Variants in TMEM108 observed in about 807,000 individuals in gnomAD.
TMEM108 encodes cancer/testis antigen 124.
TMEM108 carries 12 observed loss-of-function variants against 35.1 expected under a neutral mutation model. The ratio of observed to expected loss-of-function variants is 0.34; its 90% CI spans 0.22 to 0.55. TMEM108 has a LOEUF of 0.55. TMEM108 is among the 20% of genes least tolerant of loss of function. TMEM108 has a pLI of 0.89. For missense variants in TMEM108, 680 were observed against 753.3 expected (o/e 0.90, Z 1.14); for synonymous variants, 287 against 308.6 (o/e 0.93, Z 0.73).
intron 4 of TMEM108, chr3:133,387,524 G>C: frequency 4.1e-6 from 4 of 985,376 alleles, no homozygotes; most frequent in Non-Finnish European, 4.8e-6. Flanking sequence ...TAACAACATG[G>C]GCTGTTAGAG....
chr3:133,275,308 TTAAAAA>T lies in TMEM108; in HGVS notation c.40+45964_40+45969del, dbSNP rs1220373196. 2.0e-5 allele frequency among the ~76,000 whole-genome samples: 3 copies of T among 152,320 alleles called. No individual in the cohort carries two copies. The East Asian group carries it at 5.8e-4, about 29-fold the overall frequency. ...CTTAATTTTCTGAATTTTAGCAACA[TTAAAAA>T]TAAAAAGCAAGTAAAATTGATTTTA... On this transcript the variant is annotated intron_variant, in intron 3 of 5. Coordinates refer to ENST00000321871, the MANE Select transcript of TMEM108 (RefSeq NM_023943.4).
intron 3 of TMEM108, among the ~76,000 whole-genome samples, chr3:133,244,772 A>C (rs1397003527): frequency 6.6e-6 from 1 of 152,216 alleles, no homozygotes; most frequent in African/African-American, 2.4e-5. Context: ...GAAAATATTG[A>C]CTTTCATAGG....
At chr3:133,395,463 TG>T (rs1272250251) in intron 5 of TMEM108, among the ~76,000 whole-genome samples, 1 of 152,186 alleles carries the variant, frequency 6.6e-6, no homozygotes, top group Non-Finnish European at 1.5e-5. Context: ...GGAAGTAGTC[TG>T]GGTGCAAGTG....
chr3:133,377,040 G>A (rs2072863891), intron 3 of TMEM108, among the ~76,000 whole-genome samples: 3 of 152,082 alleles, frequency 2.0e-5, no homozygotes, highest in African/African-American at 7.2e-5. Flanking sequence ...TCATCCCTCT[G>A]TGCACACGTG....
chr3:133,216,187 C>T (rs1945905789), intron 2 of TMEM108, among the ~76,000 whole-genome samples: 1 of 152,006 alleles, frequency 6.6e-6, no homozygotes, highest in African/African-American at 2.4e-5. Context: ...TGGCTATTTT[C>T]TGACACCATA....
At chr3:133,241,107 AG>A (rs1480356667) in intron 3 of TMEM108, among the ~76,000 whole-genome samples, 5 of 151,350 alleles carry the variant, frequency 3.3e-5, no homozygotes, top group Non-Finnish European at 7.4e-5. Context: ...TTTCTGAAGA[AG>A]GAAAATTCAA....
At chr3:133,060,351 C>T (rs188351936) in intron 2 of TMEM108, among the ~76,000 whole-genome samples, 7 of 152,172 alleles carry the variant, frequency 4.6e-5, no homozygotes, top group African/African-American at 7.2e-5. Context: ...GTAGCTCACA[C>T]GTAGTAGAGC....
At chr3:133,117,885 C>T (rs1944306777) in intron 2 of TMEM108, among the ~76,000 whole-genome samples, 1 of 152,222 alleles carries the variant, frequency 6.6e-6, no homozygotes. Context: ...GTAATCAGCA[C>T]CTGGGTAAGA....
At chr3:133,316,162 T>C (rs927669757) in intron 3 of TMEM108, among the ~76,000 whole-genome samples, 7 of 152,076 alleles carry the variant, frequency 4.6e-5, no homozygotes, top group Admixed American at 1.3e-4. Context: ...AACACACATA[T>C]GGGGAAGAGG....
At chr3:133,227,048 C>T (rs1233289507) in intron 2 of TMEM108, among the ~76,000 whole-genome samples, 9 of 152,212 alleles carry the variant, frequency 5.9e-5, no homozygotes, top group South Asian at 4.1e-4. Context: ...GACCCACCCC[C>T]GTGATTCAAT....
intron 4 of TMEM108, chr3:133,388,178 T>C (rs1053564655): frequency 4.1e-6 from 4 of 985,394 alleles, no homozygotes; most frequent in Non-Finnish European, 4.8e-6. Context: ...TGGTTCCCTC[T>C]TTATGGCTTC....
At chr3:133,170,320 A>C (rs776562241) in intron 2 of TMEM108, among the ~76,000 whole-genome samples, 12 of 152,212 alleles carry the variant, frequency 7.9e-5, no homozygotes, top group Non-Finnish European at 1.5e-4. Context: ...AGGCCACCCA[A>C]ATGTTTTAGG....
chr3:133,265,063 T>C (rs1946677821), intron 3 of TMEM108, among the ~76,000 whole-genome samples: 1 of 152,204 alleles, frequency 6.6e-6, no homozygotes, highest in Admixed American at 6.5e-5. Flanking sequence ...AACAAGATGG[T>C]GACCAAGATA....
At chr3:133,358,328 C>A (rs929471894) in intron 3 of TMEM108, among the ~76,000 whole-genome samples, 3 of 152,022 alleles carry the variant, frequency 2.0e-5, no homozygotes, top group Admixed American at 2.0e-4. Flanking sequence ...CGAACCACTA[C>A]GCCTGGCTAA....
At chr3:133,381,621 G>A (rs113279586) in intron 4 of TMEM108, among the ~76,000 whole-genome samples, 2,553 of 152,220 alleles carry the variant, frequency 0.017, 83 homozygotes, top group African/African-American at 0.058. Flanking sequence ...GGTCAATGTC[G>A]ATGCTTCAAA....
chr3:133,219,330 T>C (rs1424706033), intron 2 of TMEM108, among the ~76,000 whole-genome samples: 1 of 152,142 alleles, frequency 6.6e-6, no homozygotes, highest in Non-Finnish European at 1.5e-5. Context: ...CTATTGTTTA[T>C]ATGGTCTCTC....
At chr3:133,203,993 G>C (rs1945711628) in intron 2 of TMEM108, among the ~76,000 whole-genome samples, 1 of 152,024 alleles carries the variant, frequency 6.6e-6, no homozygotes, top group African/African-American at 2.4e-5. Flanking sequence ...GTCTATTGAG[G>C]GATTTGATTT....
chr3:133,315,027 CG>C (rs1265293060), intron 3 of TMEM108, among the ~76,000 whole-genome samples: 1 of 152,094 alleles, frequency 6.6e-6, no homozygotes, highest in Non-Finnish European at 1.5e-5. Context: ...TGTTTTGTCT[CG>C]GTTTTCCTGT....
chr3:133,199,366 A>AT (rs1410460462), intron 2 of TMEM108, among the ~76,000 whole-genome samples: 2 of 152,076 alleles, frequency 1.3e-5, no homozygotes, highest in Non-Finnish European at 2.9e-5. Flanking sequence ...AGGCACTCTG[A>AT]TTTTTAGAAT....
Sources: allele counts gnomAD v4.1 joint callset (sites outside exome capture counted in the v4.1 genomes callset), GRCh38; gene constraint gnomAD v4.1.1; transcripts MANE v1.5; gene names NCBI Gene and HGNC (gene_info 2026-07-23, HGNC 2026-07-21).